DGLUCY: variants seen among roughly 807,000 people sequenced by gnomAD.
DGLUCY encodes D-glutamate cyclase, also known as D-glutamate cyclase, mitochondrial.
In DGLUCY, 58 loss-of-function variants were observed where a neutral mutation model predicts 58.5. That is an observed-to-expected ratio of 0.99 (90% CI 0.80 to 1.23). DGLUCY has a LOEUF of 1.23. DGLUCY is among the 50% of genes most tolerant of loss of function. The probability of loss-of-function intolerance (pLI) is 0.00; values close to 1 mark genes in which losing one functional copy is unlikely to be tolerated. For synonymous variants in DGLUCY, 325 were observed against 314.1 expected, an observed-to-expected ratio of 1.03 and a Z score of -0.37; for missense variants, 779 against 784.7, an observed-to-expected ratio of 0.99 and a Z score of 0.09.
chr14:91,214,019 A>T (rs950339121), intron 12 of DGLUCY, among the ~76,000 whole-genome samples: 4 of 110,018 alleles, frequency 3.6e-5, no homozygotes, highest in African/African-American at 1.0e-4. Context: ...TTTGTTTGTT[A>T]TTTTTTTTGT....
Position 91,201,567 on chromosome 14 carries a change from G to A in DGLUCY, c.1444+1662G>A, listed in dbSNP as rs375143866. Among the ~76,000 whole-genome samples the A allele has an allele frequency of 3.3e-5, 5 of 152,152 alleles. No individual in the cohort carries two copies. The East Asian group carries it at 9.7e-4, about 29-fold the overall frequency. ...CTGCCTCTGCCTTCCAAAGTGCTGG[G>A]ATTACAGGTGTAAGCCACCATGCCC... is the stretch of plus-strand genomic sequence containing the variant. On this transcript the variant is annotated intron_variant, in intron 11 of 13. Transcript: ENST00000256324.
At chr14:91,180,663 TAG>T (rs1437377887) in intron 7 of DGLUCY, among the ~76,000 whole-genome samples, 2 of 151,892 alleles carry the variant, frequency 1.3e-5, no homozygotes, top group Non-Finnish European at 2.9e-5. Flanking sequence ...ATAACTATGC[TAG>T]AGTGTTTCAC....
Position 91,199,823 on chromosome 14 carries a change from GA to G in DGLUCY, c.1364del (p.Lys455ArgfsTer2). ...CTGATGGCAATTACTACAATGCAAG[GA>G]AGATGAACATCAAGCACTTGGTTGA... ...AADGNYYNAR[K>X]MNIKHLVDPI... On this transcript the variant is annotated frameshift_variant, in exon 11 of 14. Coordinates refer to ENST00000256324, the MANE Select transcript of DGLUCY (RefSeq NM_001102368.3). LOFTEE classifies it high-confidence loss of function. The G allele has an allele frequency of 6.2e-7, 1 of 1,614,184 alleles. No homozygotes were observed. Among genetic ancestry groups the G allele is most frequent in the Non-Finnish European group, 8.5e-7 (1 of 1,180,036 alleles).
At chr14:91,067,344 G>A (rs141016266) in intron 1 of DGLUCY, among the ~76,000 whole-genome samples, 63 of 152,222 alleles carry the variant, frequency 4.1e-4, no homozygotes, top group Admixed American at 1.1e-3. Context: ...CTCACTTGGC[G>A]TAAGCCACTA....
chr14:91,175,976 A>T lies in DGLUCY; in HGVS notation c.650A>T (p.Asp217Val), dbSNP rs1595843682. Residue 217 changes from aspartate (D) to valine (V), a missense_variant, in exon 7 of 14, where the codon GAT (aspartate) becomes GTT (valine). Physicochemically the swap from Asp to Val is radical, Grantham distance 152. Coordinates refer to ENST00000256324, the MANE Select transcript of DGLUCY (RefSeq NM_001102368.3). ...GAGCTTTCCAAACCTGCCTACGGGG[A>T]TGCCATGGTGTGTCCCCCAGGGGAG... is the stretch of plus-strand genomic sequence containing the variant. ...IKELSKPAYGDAMVCPPGEVP... is the reference protein window; with the variant it reads ...IKELSKPAYGVAMVCPPGEVP... The T allele has an allele frequency of 3.7e-6, 6 of 1,613,988 alleles. No homozygotes were observed. The highest frequency in any genetic ancestry group is 5.1e-6 in the Non-Finnish European group (6 of 1,179,922).
At chr14:91,206,340 A>G (rs919639923) in intron 12 of DGLUCY, among the ~76,000 whole-genome samples, 5 of 151,992 alleles carry the variant, frequency 3.3e-5, no homozygotes, top group Admixed American at 3.3e-4. Flanking sequence ...CCCCTCCCCG[A>G]CACATCTTAC....
rs769856757 is a variant in DGLUCY, at chr14:91,160,320, C to T, written c.26C>T (p.Ser9Phe). Residue 9 changes from serine to phenylalanine, a missense_variant, in exon 3 of 14, where the codon TCC (serine) becomes TTC (phenylalanine). Coordinates refer to ENST00000256324, the MANE Select transcript of DGLUCY (RefSeq NM_001102368.3). MPFTLHLR[S>F]RLPSAIRSLI... ...ATGCCCTTCACACTCCACCTGAGGT[C>T]CCGCCTTCCCTCTGCCATAAGGAGT... 66 of 1,612,546 alleles carry T rather than the reference C, an allele frequency of 4.1e-5. 1 individual carries two copies. The Admixed American group carries it at 4.5e-4, about 11-fold the overall frequency.
chr14:91,086,533 G>A (rs920171084), intron 1 of DGLUCY, among the ~76,000 whole-genome samples: 2 of 151,896 alleles, frequency 1.3e-5, no homozygotes, highest in Admixed American at 1.3e-4. Context: ...TATCATTTAG[G>A]GAATAATGAC....
At chr14:91,099,959 C>T (rs543917016) in intron 1 of DGLUCY, among the ~76,000 whole-genome samples, 281 of 148,910 alleles carry the variant, frequency 1.9e-3, no homozygotes, top group African/African-American at 6.3e-3. Context: ...AAAGCTGAGG[C>T]GGGAGAATTG....
chr14:91,148,137 G>T (rs2047111890), intron 1 of DGLUCY, among the ~76,000 whole-genome samples: 2 of 152,086 alleles, frequency 1.3e-5, no homozygotes, highest in South Asian at 4.1e-4. Context: ...TTGCACCGCT[G>T]CACTCCAGCC....
chr14:91,189,085 G>A lies in DGLUCY; in HGVS notation c.1110G>A (p.Gln370=). 1 of 1,614,184 alleles carries A rather than the reference G, an allele frequency of 6.2e-7. No homozygotes were observed. The highest frequency in any genetic ancestry group is 1.1e-5 in the South Asian group (1 of 91,086). ...CTGTTGCTCTGGTTGCCTTCCTGCA[G>A]GCCTTGGAGAAGGAGGTCGCCATAA... ...PGAVALVAFL[Q]ALEKEVAIIV... Residue 370 remains glutamine (Q), a synonymous_variant, in exon 9 of 14, where the codon CAG becomes CAA. Transcript: ENST00000256324.
upstream of DGLUCY, among the ~76,000 whole-genome samples, chr14:91,112,587 A>ACC (rs2044724189): frequency 6.6e-6 from 1 of 152,044 alleles, no homozygotes; most frequent in South Asian, 2.1e-4. Flanking sequence ...TTTCACTTTA[A>ACC]CCCTTTCATT....
chr14:91,145,689 G>A lies in DGLUCY; in HGVS notation c.-81-11950G>A, dbSNP rs79519339. Among the ~76,000 whole-genome samples the A allele has an allele frequency of 1.5e-3, 234 of 152,126 alleles. 1 individual carries two copies. The highest frequency in any genetic ancestry group is 2.7e-3 in the Non-Finnish European group (183 of 67,984). ...GTTATTGAGCGCTTGCAACATACCC[G>A]GTGCTCTCTCAGCACTTTACATACA... On this transcript the variant is annotated intron_variant, in intron 1 of 13. Transcript: ENST00000256324.
In DGLUCY at chr14:91,186,595, T is replaced by G. The variant is rs151061488; in HGVS notation, c.935-2315T>G. Among the ~76,000 whole-genome samples, 111 of 152,310 alleles carry G rather than the reference T, an allele frequency of 7.3e-4. 1 individual carries two copies. The East Asian group carries it at 0.02, about 28-fold the overall frequency. On this transcript the variant is annotated intron_variant, in intron 8 of 13. Transcript: ENST00000256324. ...TTCATTTTACAAATGTTCCACTATT[T>G]TATTAATATGCTGTTATTTAATACC...
chr14:91,110,759 T>C (rs2044679929), upstream of DGLUCY, among the ~76,000 whole-genome samples: 1 of 152,078 alleles, frequency 6.6e-6, no homozygotes. Flanking sequence ...TCTAATCAAG[T>C]TTTTTCATTG....
At chr14:91,179,886 CTT>C (rs35580984) in intron 7 of DGLUCY, among the ~76,000 whole-genome samples, 31 of 75,994 alleles carry the variant, frequency 4.1e-4, no homozygotes, top group African/African-American at 1.4e-3. Flanking sequence ...ATGCTAAACA[CTT>C]TTTTTTTTTT....
chr14:91,157,601 T>C (rs183081513), intron 1 of DGLUCY, 38 bp from the exon 2 acceptor site: 1 of 152,240 alleles, frequency 6.6e-6, no homozygotes, highest in African/African-American at 2.4e-5. Flanking sequence ...ATTCTCTGAT[T>C]GGTGTATATT....
intron 1 of DGLUCY, among the ~76,000 whole-genome samples, chr14:91,097,891 G>T (rs1188055719): frequency 6.6e-6 from 1 of 152,186 alleles, no homozygotes; most frequent in South Asian, 2.1e-4. Context: ...CTCCTACCTT[G>T]TATGATGTCA....
chr14:91,068,672 A>G (rs922468728), intron 1 of DGLUCY, among the ~76,000 whole-genome samples: 1 of 152,244 alleles, frequency 6.6e-6, no homozygotes, highest in African/African-American at 2.4e-5. Flanking sequence ...TCCACCTCAA[A>G]AAAAATAAAA....
Sources: allele counts gnomAD v4.1 joint callset (sites outside exome capture counted in the v4.1 genomes callset), GRCh38; gene constraint gnomAD v4.1.1; transcripts MANE v1.5; gene names NCBI Gene and HGNC (gene_info 2026-07-23, HGNC 2026-07-21).